Variants in LRRC7 observed in about 807,000 individuals in gnomAD.
LRRC7 encodes the protein leucine-rich repeat-containing protein 7.
Under a neutral mutation model 175.7 loss-of-function variants are expected in LRRC7, and 23 were observed. The observed-to-expected ratio is 0.13, with a 90% CI of 0.09 to 0.19. The LOEUF (loss-of-function observed/expected upper bound fraction) is 0.19, where lower values mean the gene tolerates loss of function less well. Among genes scored for constraint, LRRC7 ranks in the 10% least tolerant of loss-of-function variants. The probability of loss-of-function intolerance (pLI) is 1.00; values close to 1 mark genes in which losing one functional copy is unlikely to be tolerated. For synonymous variants in LRRC7, 685 were observed against 680.9 expected, an observed-to-expected ratio of 1.01 and a Z score of -0.09; for missense variants, 1,354 against 1,904.7, an observed-to-expected ratio of 0.71 and a Z score of 5.38.
At chr1:69,897,276 T>C (rs986858732) in intron 7 of LRRC7, among the ~76,000 whole-genome samples, 2 of 152,220 alleles carry the variant, frequency 1.3e-5, no homozygotes, top group Non-Finnish European at 2.9e-5. Flanking sequence ...TGTGTATATA[T>C]GCTATATCAT....
At chr1:70,056,340 C>T (rs975480431) in intron 23 of LRRC7, among the ~76,000 whole-genome samples, 6 of 152,034 alleles carry the variant, frequency 3.9e-5, no homozygotes, top group African/African-American at 7.2e-5. Flanking sequence ...ATCAATACAG[C>T]GATTTTACTG....
intron 11 of LRRC7, among the ~76,000 whole-genome samples, chr1:70,009,811 G>T (rs985322796): frequency 4.6e-5 from 7 of 152,182 alleles, no homozygotes; most frequent in African/African-American, 1.4e-4. Flanking sequence ...ATCTGTTAAG[G>T]TGATGAAGTT....
At position 70,038,634 on chromosome 1, in the gene LRRC7, C is replaced by T; in HGVS notation, c.2810C>T (p.Ser937Phe). 1 of 1,614,084 alleles carries T rather than the reference C, an allele frequency of 6.2e-7. No individual in the cohort carries two copies. Among genetic ancestry groups the T allele is most frequent in the South Asian group, 1.1e-5 (1 of 91,076 alleles). The part of the protein sequence containing the change: ...SPGVPWEYHD[S>F]NPNRSLSNVF... ...GGCGTACCATGGGAGTATCATGATT[C>T]CAATCCCAACAGGAGTCTTAGTAAT... The change falls in exon 21 of 27, where the codon TCC becomes TTC. Residue 937 changes from serine (S) to phenylalanine (F), a missense_variant. Ser to Phe is a radical substitution (Grantham distance 155, BLOSUM62 -2). Coordinates refer to ENST00000651989, the MANE Select transcript of LRRC7 (RefSeq NM_001370785.2).
At chr1:69,670,994 T>G (rs965974004) in intron 1 of LRRC7, among the ~76,000 whole-genome samples, 3 of 152,208 alleles carry the variant, frequency 2.0e-5, no homozygotes, top group Non-Finnish European at 4.4e-5. Context: ...GCCTGCTTTG[T>G]GCTCTTTTCC....
intron 4 of LRRC7, among the ~76,000 whole-genome samples, chr1:69,816,793 C>T: frequency 6.6e-6 from 1 of 152,112 alleles, no homozygotes; most frequent in Non-Finnish European, 1.5e-5. Flanking sequence ...TTGGCCAACA[C>T]CTCCTCATTA....
At chr1:69,724,432 T>C (rs1278056116) in intron 2 of LRRC7, among the ~76,000 whole-genome samples, 2 of 152,182 alleles carry the variant, frequency 1.3e-5, no homozygotes, top group Non-Finnish European at 2.9e-5. Context: ...GAGAGATGGA[T>C]TAGAATAGCA....
At chr1:69,907,771 C>G (rs1646370817) in intron 7 of LRRC7, among the ~76,000 whole-genome samples, 1 of 152,080 alleles carries the variant, frequency 6.6e-6, no homozygotes, top group Non-Finnish European at 1.5e-5. Flanking sequence ...TGATGCTGGC[C>G]TCATAAAATG....
intron 7 of LRRC7, among the ~76,000 whole-genome samples, chr1:69,929,997 C>T (rs1647225249): frequency 6.6e-6 from 1 of 152,092 alleles, no homozygotes; most frequent in Non-Finnish European, 1.5e-5. Flanking sequence ...TCCTTTCTGC[C>T]TTGGCTCCAA....
intron 7 of LRRC7, among the ~76,000 whole-genome samples, chr1:69,890,245 C>T (rs1645794140): frequency 6.6e-6 from 1 of 152,210 alleles, no homozygotes; most frequent in Non-Finnish European, 1.5e-5. Context: ...GTCAAAATTA[C>T]TCCTTGACCC....
chr1:69,749,381 A>G (rs1669582106), intron 2 of LRRC7, among the ~76,000 whole-genome samples: 1 of 152,196 alleles, frequency 6.6e-6, no homozygotes. Context: ...AGACCAGGAA[A>G]GCAGCATTAT....
chr1:69,920,946 C>T (rs957183697), intron 7 of LRRC7, among the ~76,000 whole-genome samples: 1 of 152,120 alleles, frequency 6.6e-6, no homozygotes, highest in African/African-American at 2.4e-5. Context: ...TAATTCTCTC[C>T]TCATGGGCCC....
intron 22 of LRRC7, among the ~76,000 whole-genome samples, chr1:70,050,179 A>T (rs1367308659): frequency 6.6e-6 from 1 of 152,094 alleles, no homozygotes; most frequent in South Asian, 2.1e-4. Context: ...ATATATAGAT[A>T]TAGAGAAAGA....
intron 1 of LRRC7, among the ~76,000 whole-genome samples, chr1:69,640,440 A>T (rs1654034946): frequency 6.6e-6 from 1 of 151,704 alleles, no homozygotes; most frequent in Non-Finnish European, 1.5e-5. Context: ...CCTGATTAGT[A>T]AGAATAATGA....
chr1:70,058,561 A>G (rs1389141217), intron 23 of LRRC7, among the ~76,000 whole-genome samples: 1 of 152,234 alleles, frequency 6.6e-6, no homozygotes, highest in East Asian at 1.9e-4. Flanking sequence ...CACAGTCACT[A>G]TAGTCAGAAT....
At chr1:69,880,656 A>G (rs1016297401) in intron 7 of LRRC7, among the ~76,000 whole-genome samples, 2 of 152,076 alleles carry the variant, frequency 1.3e-5, no homozygotes, top group Non-Finnish European at 2.9e-5. Flanking sequence ...AAAGAAGGAG[A>G]GTATTATTGA....
intron 2 of LRRC7, among the ~76,000 whole-genome samples, chr1:69,756,890 A>G (rs140457930): frequency 6.8e-4 from 104 of 152,122 alleles, no homozygotes; most frequent in Non-Finnish European, 1.4e-3. Context: ...AATCAAAAAG[A>G]TATGTTATTC....
At chr1:70,061,623 G>T (rs1224535109) in intron 23 of LRRC7, among the ~76,000 whole-genome samples, 1 of 152,130 alleles carries the variant, frequency 6.6e-6, no homozygotes, top group African/African-American at 2.4e-5. Flanking sequence ...AGCCCCTGGA[G>T]AGACATTTCT....
intron 2 of LRRC7, among the ~76,000 whole-genome samples, chr1:69,718,115 A>AAAG (rs1665858117): frequency 1.2e-5 from 1 of 83,754 alleles, no homozygotes. Flanking sequence ...GAGAAAAAGA[A>AAAG]AGAAAGAAAG....
chr1:69,771,518 CCAAATAT>C (rs1417646335), intron 3 of LRRC7, among the ~76,000 whole-genome samples: 1 of 151,932 alleles, frequency 6.6e-6, no homozygotes, highest in Non-Finnish European at 1.5e-5. Context: ...TAACATTTAC[CCAAATAT>C]CAAATATCAT....
Sources: gnomAD v4.1 joint callset for allele counts (sites outside exome capture counted in the v4.1 genomes callset) on GRCh38, gnomAD v4.1.1 for gene constraint, MANE v1.5 for transcripts, NCBI Gene and HGNC (gene_info 2026-07-23, HGNC 2026-07-21) for gene names.